Variants in DYNC1I2 observed in about 807,000 individuals in gnomAD.
DYNC1I2 encodes the protein dynein cytoplasmic 1 intermediate chain 2.
A neutral mutation model predicts 88.6 loss-of-function variants in DYNC1I2; 53 were observed. The ratio of observed to expected loss-of-function variants is 0.60; its 90% CI spans 0.48 to 0.75. The LOEUF (loss-of-function observed/expected upper bound fraction) is 0.75. Ranked by LOEUF, DYNC1I2 falls within the 30% of genes least tolerant of loss-of-function variation. The pLI is 0.00. For synonymous variants in DYNC1I2, 198 were observed against 254.6 expected (o/e 0.78, Z 2.12); for missense variants, 458 against 766.6 (o/e 0.60, Z 4.75).
rs758776561 is a variant in DYNC1I2 at position 171,692,885 on chromosome 2, T to C, written c.217T>C (p.Ser73Pro). The C allele has an allele frequency of 6.5e-5, 104 of 1,595,504 alleles. 1 individual carries two copies. In the South Asian group the frequency reaches 1.1e-3, roughly 17 times the overall value. Residue 73 changes from serine to proline, a missense_variant, in exon 3 of 18, where the codon TCC becomes CCC. Physicochemically the swap from Ser to Pro is moderately conservative, Grantham distance 74 (BLOSUM62 -1). Transcript: ENST00000397119. ...LLQSMGLTPE[S>P]PIVFSEYWVP... ...TCAAAGCATGGGGCTAACTCCAGAATCCCCCATTGGTAAGGTTAAGAATAT... is the reference window on the plus strand; with the variant it reads ...TCAAAGCATGGGGCTAACTCCAGAACCCCCCATTGGTAAGGTTAAGAATAT...
At chr2:171,696,687 CT>C (rs1685792834) in intron 3 of DYNC1I2, among the ~76,000 whole-genome samples, 2 of 152,106 alleles carry the variant, frequency 1.3e-5, no homozygotes, top group South Asian at 4.1e-4. Flanking sequence ...GTTAGTCTAT[CT>C]TTTCCCCCAC....
intron 3 of DYNC1I2, among the ~76,000 whole-genome samples, chr2:171,704,051 G>A (rs777237858): frequency 7.9e-5 from 12 of 152,108 alleles, no homozygotes; most frequent in Non-Finnish European, 1.0e-4. Context: ...ATTCAGCTAT[G>A]TGCCATCCTT....
chr2:171,687,778 C>G (rs1206789666), intron 1 of DYNC1I2, 151 bp downstream of exon 1: 1 of 152,672 alleles, frequency 6.5e-6, no homozygotes, highest in African/African-American at 2.4e-5. Flanking sequence ...AGCCGCGGAG[C>G]TGGTGGTGGC....
chr2:171,711,114 C>G (rs1016129911), intron 5 of DYNC1I2, among the ~76,000 whole-genome samples: 1 of 150,388 alleles, frequency 6.6e-6, no homozygotes, highest in South Asian at 2.1e-4. Flanking sequence ...TGAGAACATG[C>G]GGTGTTTGGT....
chr2:171,726,465 T>G (rs1688262630), intron 10 of DYNC1I2, 172 bp downstream of exon 10: 1 of 573,888 alleles, frequency 1.7e-6, no homozygotes, highest in African/African-American at 1.9e-5. Flanking sequence ...GGAAGAAAGA[T>G]TAGAAGCATT....
intron 5 of DYNC1I2, among the ~76,000 whole-genome samples, chr2:171,710,276 A>G (rs1687021211): frequency 6.6e-6 from 1 of 151,786 alleles, no homozygotes; most frequent in Non-Finnish European, 1.5e-5. Context: ...AATATGTGAC[A>G]TTTAAAAAGA....
chr2:171,728,491 G>A (rs1330078813), intron 13 of DYNC1I2, 73 bp downstream of exon 13: 2 of 970,560 alleles, frequency 2.1e-6, no homozygotes, highest in Non-Finnish European at 3.0e-6. Flanking sequence ...CTCAACTTAT[G>A]TTTCTCATAA....
chr2:171,725,328 T>C (rs574878909), intron 7 of DYNC1I2, among the ~76,000 whole-genome samples: 1 of 152,196 alleles, frequency 6.6e-6, no homozygotes, highest in South Asian at 2.1e-4. Context: ...GTTGCTTATA[T>C]ATCTTATTTC....
intron 7 of DYNC1I2, among the ~76,000 whole-genome samples, chr2:171,718,913 G>A (rs1204649400): frequency 1.3e-5 from 2 of 152,118 alleles, no homozygotes; most frequent in African/African-American, 4.8e-5. Flanking sequence ...GTAGTTTATC[G>A]AGCATCACAG....
intron 15 of DYNC1I2, among the ~76,000 whole-genome samples, 162 bp downstream of exon 15, chr2:171,730,015 G>C (rs1419117644): frequency 2.0e-5 from 3 of 152,200 alleles, no homozygotes; most frequent in Non-Finnish European, 4.4e-5. Context: ...ACTAGATGTT[G>C]TAATTTTTAT....
At chr2:171,716,015 G>A (rs1034012207) in intron 7 of DYNC1I2, among the ~76,000 whole-genome samples, 1 of 151,998 alleles carries the variant, frequency 6.6e-6, no homozygotes, top group Non-Finnish European at 1.5e-5. Flanking sequence ...GAGACCCTTT[G>A]GTTCTTAAAC....
intron 3 of DYNC1I2, among the ~76,000 whole-genome samples, chr2:171,705,773 C>T (rs993432195): frequency 2.0e-5 from 3 of 152,068 alleles, no homozygotes; most frequent in Non-Finnish European, 4.4e-5. Flanking sequence ...GTGCCACCTA[C>T]ATGTAAACTA....
chr2:171,714,393 T>C (rs929522162), intron 6 of DYNC1I2, among the ~76,000 whole-genome samples: 4 of 152,154 alleles, frequency 2.6e-5, no homozygotes, highest in East Asian at 1.9e-4. Context: ...AAAAAAGTTA[T>C]ATTACCAGCG....
chr2:171,704,971 T>C (rs1327569476), intron 3 of DYNC1I2, among the ~76,000 whole-genome samples: 2 of 152,144 alleles, frequency 1.3e-5, no homozygotes, highest in Non-Finnish European at 2.9e-5. Flanking sequence ...TAGCTGTGGC[T>C]CAGATAATAG....
chr2:171,703,347 C>T (rs184701455), intron 3 of DYNC1I2, among the ~76,000 whole-genome samples: 130 of 152,238 alleles, frequency 8.5e-4, no homozygotes, highest in Middle Eastern at 3.4e-3. Context: ...ACAATCCTCC[C>T]GCCTCAGCCT....
At position 171,748,555 on chromosome 2, in the gene DYNC1I2, TGG is replaced by T. The variant is rs1375331549; in HGVS notation, c.*667_*668del. Reference sequence around the variant, plus strand: ...AGCTGTGTACCCTAAATATACCATGTGGTATATACTATAGATCTCCCAGTGCA... The same window carrying T: ...AGCTGTGTACCCTAAATATACCATGTTATATACTATAGATCTCCCAGTGCA... On this transcript the variant is annotated 3_prime_UTR_variant, in exon 18 of 18. Transcript: ENST00000397119. 1 of 152,232 alleles carries T rather than the reference TGG, an allele frequency of 6.6e-6. No individual in the cohort carries two copies. Among genetic ancestry groups the T allele is most frequent in the Non-Finnish European group, 1.5e-5 (1 of 68,030 alleles). 9.4% of individuals were successfully genotyped at this position (152,232 alleles called of 1,614,324 possible). A position where few individuals can be genotyped will look rare whatever the true frequency, so the allele number is the denominator to read the frequency against.
chr2:171,712,220 T>G (rs146109142), intron 5 of DYNC1I2, among the ~76,000 whole-genome samples: 2,739 of 152,286 alleles, frequency 0.018, 51 homozygotes, highest in Admixed American at 0.067. Context: ...TTTGGAAACT[T>G]TAGCTATTTT....
At chr2:171,740,566 C>T in intron 15 of DYNC1I2, among the ~76,000 whole-genome samples, 1 of 152,032 alleles carries the variant, frequency 6.6e-6, no homozygotes, top group Non-Finnish European at 1.5e-5. Flanking sequence ...TTTAGAGGGT[C>T]AGTGTTCCTA....
chr2:171,701,995 A>G (rs1009450523), intron 3 of DYNC1I2, among the ~76,000 whole-genome samples: 1 of 152,212 alleles, frequency 6.6e-6, no homozygotes, highest in Non-Finnish European at 1.5e-5. Flanking sequence ...CAGTAAATAA[A>G]TATGCTTTGA....
Sources: allele counts gnomAD v4.1 joint callset (sites outside exome capture counted in the v4.1 genomes callset), GRCh38; gene constraint gnomAD v4.1.1; transcripts MANE v1.5; gene names NCBI Gene and HGNC (gene_info 2026-07-23, HGNC 2026-07-21).